Variants in TRIM24 observed in about 807,000 individuals in gnomAD.
The protein encoded by TRIM24 is transcription intermediary factor 1-alpha.
A neutral mutation model predicts 123.9 loss-of-function variants in TRIM24; 29 were observed. The observed-to-expected ratio is 0.23, with a 90% CI of 0.17 to 0.32. The LOEUF (loss-of-function observed/expected upper bound fraction) is 0.32. Ranked by LOEUF, TRIM24 falls within the 10% of genes least tolerant of loss-of-function variation. The pLI, the probability that TRIM24 is intolerant of heterozygous loss-of-function variation, is 1.00. For missense variants in TRIM24, 932 were observed against 1,295.3 expected (o/e 0.72, Z 4.31); for synonymous variants, 456 against 461.1 (o/e 0.99, Z 0.14).
At chr7:138,515,782 T>C (rs776672826) in intron 3 of TRIM24, among the ~76,000 whole-genome samples, 1 of 152,226 alleles carries the variant, frequency 6.6e-6, no homozygotes, top group Non-Finnish European at 1.5e-5. Context: ...TATGTAATTA[T>C]TATTTCCAGT....
At chr7:138,461,292 G>A (rs1380843610) in intron 1 of TRIM24, 1 of 549,428 alleles carries the variant, frequency 1.8e-6, no homozygotes, top group East Asian at 4.9e-5. Context: ...CCTCCACAAA[G>A]CTTTGTCCAG....
chr7:138,545,555 G>C (rs970914181), intron 7 of TRIM24: 1 of 456,070 alleles, frequency 2.2e-6, no homozygotes. Flanking sequence ...TGAACTTAGA[G>C]TTTTATTTTT....
chr7:138,576,728 C>T (rs1797768642), intron 13 of TRIM24, among the ~76,000 whole-genome samples: 1 of 152,108 alleles, frequency 6.6e-6, no homozygotes, highest in Non-Finnish European at 1.5e-5. Flanking sequence ...AGGCATAACA[C>T]AGTACACTAT....
chr7:138,548,924 T>C (rs551624291), intron 7 of TRIM24, among the ~76,000 whole-genome samples: 2 of 152,342 alleles, frequency 1.3e-5, no homozygotes, highest in South Asian at 4.1e-4. Context: ...TCTTCAGTTC[T>C]CATCTCCTAT....
rs1010082527 is a variant in TRIM24, at chr7:138,532,224, A to T, written c.996+2994A>T. ...TGTAGAAGCTCTTTAGTTTAATTAGATCCCATTTGTCAATTTTGGCTTTTG... is the reference window on the plus strand; with the variant it reads ...TGTAGAAGCTCTTTAGTTTAATTAGTTCCCATTTGTCAATTTTGGCTTTTG... On this transcript the variant is annotated intron_variant, in intron 6 of 18. Coordinates refer to ENST00000343526, the MANE Select transcript of TRIM24 (RefSeq NM_015905.3). 4.7e-4 allele frequency among the ~76,000 whole-genome samples: 71 copies of T among 151,836 alleles called. 1 individual carries two copies. The highest frequency in any genetic ancestry group is 1.7e-3 in the African/African-American group (71 of 41,218).
chr7:138,478,354 ATTTTG>A (rs1470404447), intron 1 of TRIM24, among the ~76,000 whole-genome samples: 1 of 151,542 alleles, frequency 6.6e-6, no homozygotes, highest in East Asian at 2.0e-4. Context: ...AGGGTAAATT[ATTTTG>A]TTTTGGGCAC....
chr7:138,529,870 A>G (rs924711733), intron 6 of TRIM24, among the ~76,000 whole-genome samples: 13 of 152,198 alleles, frequency 8.5e-5, no homozygotes, highest in African/African-American at 3.1e-4. Flanking sequence ...TATTAATTGC[A>G]TGATTTTTAG....
chr7:138,580,718 A>G (rs748710343), intron 16 of TRIM24, 24 bp downstream of exon 16: 78 of 1,609,094 alleles, frequency 4.8e-5, no homozygotes, highest in Non-Finnish European at 6.2e-5. Flanking sequence ...AAGATGCATT[A>G]TTGTATTGTA....
chr7:138,552,565 G>A (rs1048263155), intron 8 of TRIM24, among the ~76,000 whole-genome samples: 5 of 152,022 alleles, frequency 3.3e-5, no homozygotes, highest in African/African-American at 1.2e-4. Context: ...TGGGGGGTTG[G>A]GGGGTGCTCG....
At chr7:138,492,410 T>TATTC (rs1449136348) in intron 1 of TRIM24, among the ~76,000 whole-genome samples, 4 of 152,088 alleles carry the variant, frequency 2.6e-5, no homozygotes, top group African/African-American at 9.7e-5. Context: ...TGTGCAAATA[T>TATTC]ATTCTCCCAT....
intron 9 of TRIM24, among the ~76,000 whole-genome samples, chr7:138,560,319 A>C (rs1797399879): frequency 6.6e-6 from 1 of 152,226 alleles, no homozygotes; most frequent in Admixed American, 6.5e-5. Flanking sequence ...CCCTGGAGTC[A>C]AGGGCAGTCC....
intron 1 of TRIM24, among the ~76,000 whole-genome samples, chr7:138,486,828 A>T (rs991577992): frequency 2.0e-5 from 3 of 151,974 alleles, no homozygotes; most frequent in African/African-American, 4.8e-5. Flanking sequence ...GGGCTCTTTT[A>T]TGGTTCCATA....
At chr7:138,483,230 C>T (rs1474751515) in intron 1 of TRIM24, among the ~76,000 whole-genome samples, 3 of 152,230 alleles carry the variant, frequency 2.0e-5, no homozygotes, top group African/African-American at 4.8e-5. Context: ...GCCACTGTGC[C>T]TGGACCCAAA....
intron 1 of TRIM24, among the ~76,000 whole-genome samples, chr7:138,485,239 A>G (rs1795618217): frequency 6.6e-6 from 1 of 152,162 alleles, no homozygotes; most frequent in Admixed American, 6.5e-5. Context: ...CATAACATAA[A>G]ATTTACTACT....
intron 7 of TRIM24, among the ~76,000 whole-genome samples, chr7:138,543,736 A>G (rs1485773424): frequency 2.0e-5 from 3 of 152,182 alleles, no homozygotes; most frequent in Non-Finnish European, 4.4e-5. Context: ...CCTTGTATCT[A>G]TGTGTATGGT....
chr7:138,551,615 C>CT (rs1313596025), intron 8 of TRIM24, among the ~76,000 whole-genome samples: 3 of 152,132 alleles, frequency 2.0e-5, no homozygotes, highest in African/African-American at 7.2e-5. Context: ...AGAAAACATT[C>CT]TATAACATTG....
chr7:138,474,933 G>C (rs1329643785), intron 1 of TRIM24, among the ~76,000 whole-genome samples: 5 of 152,184 alleles, frequency 3.3e-5, no homozygotes, highest in African/African-American at 1.2e-4. Flanking sequence ...TTTAGTGACA[G>C]AGAAAAGGGG....
chr7:138,531,733 A>T (rs945960152), intron 6 of TRIM24, among the ~76,000 whole-genome samples: 88 of 152,246 alleles, frequency 5.8e-4, no homozygotes, highest in Admixed American at 5.8e-3. Flanking sequence ...GTATATACCC[A>T]GTAATGGAAT....
At chr7:138,570,235 C>T (rs1797625397) in intron 10 of TRIM24, among the ~76,000 whole-genome samples, 1 of 152,208 alleles carries the variant, frequency 6.6e-6, no homozygotes, top group Admixed American at 6.5e-5. Context: ...GCATGAGCCA[C>T]CATGCCCAGC....
Sources: gnomAD v4.1 joint callset for allele counts (sites outside exome capture counted in the v4.1 genomes callset) on GRCh38, gnomAD v4.1.1 for gene constraint, MANE v1.5 for transcripts, NCBI Gene and HGNC (gene_info 2026-07-23, HGNC 2026-07-21) for gene names.